Variants in CDK6 observed in about 807,000 individuals in gnomAD.
CDK6 encodes the protein cyclin-dependent kinase 6.
In CDK6, 6 loss-of-function variants were observed where a neutral mutation model predicts 37.1. The observed-to-expected ratio is 0.16, with a 90% confidence interval of 0.09 to 0.32. The LOEUF is 0.32. Ranked by LOEUF, CDK6 falls within the 10% of genes least tolerant of loss-of-function variation. CDK6 has a pLI of 1.00. For missense variants in CDK6, 224 were observed against 418.9 expected (o/e 0.53, Z 4.06); for synonymous variants, 160 against 161.3 (o/e 0.99, Z 0.06).
At chr7:92,767,723 A>C (rs186272042) in intron 3 of CDK6, among the ~76,000 whole-genome samples, 608 of 151,992 alleles carry the variant, frequency 4.0e-3, no homozygotes, top group African/African-American at 7.0e-3. Context: ...TTAAAAAAAA[A>C]CCCCAAATTT....
chr7:92,805,115 A>G (rs554409726), intron 2 of CDK6, among the ~76,000 whole-genome samples: 8 of 152,316 alleles, frequency 5.3e-5, no homozygotes, highest in Admixed American at 2.6e-4. Flanking sequence ...CGATGAAGGA[A>G]AATTGGCCAC....
At chr7:92,761,860 T>C (rs1799464028) in intron 3 of CDK6, among the ~76,000 whole-genome samples, 1 of 152,236 alleles carries the variant, frequency 6.6e-6, no homozygotes, top group South Asian at 2.1e-4. Context: ...CTCTTTTTCT[T>C]AATTCACTCT....
intron 4 of CDK6, among the ~76,000 whole-genome samples, chr7:92,720,630 C>A (rs905937671): frequency 6.6e-6 from 1 of 152,194 alleles, no homozygotes; most frequent in African/African-American, 2.4e-5. Flanking sequence ...TGCTTCATGA[C>A]TGTCAGAGCC....
chr7:92,764,667 A>G (rs1472803749), intron 3 of CDK6, among the ~76,000 whole-genome samples: 2 of 152,220 alleles, frequency 1.3e-5, no homozygotes. Context: ...ATTATTCTAC[A>G]TACTGAAGAC....
intron 3 of CDK6, among the ~76,000 whole-genome samples, chr7:92,768,591 TATG>T (rs1259948022): frequency 2.6e-5 from 4 of 152,362 alleles, no homozygotes; most frequent in Non-Finnish European, 4.4e-5. Context: ...TTAGTGCAGC[TATG>T]ATATTAGATT....
At chr7:92,736,211 T>C (rs1295403937) in intron 3 of CDK6, among the ~76,000 whole-genome samples, 3 of 152,088 alleles carry the variant, frequency 2.0e-5, no homozygotes, top group Non-Finnish European at 2.9e-5. Context: ...ATGTGTATTA[T>C]GGTTATATAT....
intron 5 of CDK6, among the ~76,000 whole-genome samples, chr7:92,657,531 G>A (rs962574543): frequency 3.9e-5 from 6 of 152,126 alleles, no homozygotes; most frequent in Non-Finnish European, 8.8e-5. Context: ...AAACTGGTCT[G>A]AAAAACTGCT....
At chr7:92,631,209 A>T (rs373551502) in intron 5 of CDK6, among the ~76,000 whole-genome samples, 6 of 152,126 alleles carry the variant, frequency 3.9e-5, no homozygotes, top group Non-Finnish European at 8.8e-5. Context: ...GTAACCAACG[A>T]GCCCAGTTTG....
chr7:92,821,626 TTTC>T (rs764031214), intron 2 of CDK6, among the ~76,000 whole-genome samples: 39 of 152,050 alleles, frequency 2.6e-4, no homozygotes, highest in Non-Finnish European at 3.7e-4. Flanking sequence ...CACAATTTTT[TTTC>T]TTTTCTATTC....
intron 4 of CDK6, among the ~76,000 whole-genome samples, chr7:92,712,145 G>C (rs925490486): frequency 6.7e-6 from 1 of 149,510 alleles, no homozygotes; most frequent in Admixed American, 6.6e-5. Context: ...GGGTGAAAGA[G>C]CAAGACTCCG....
intron 2 of CDK6, among the ~76,000 whole-genome samples, chr7:92,780,909 A>T (rs539730837): frequency 3.7e-4 from 57 of 152,248 alleles, no homozygotes; most frequent in African/African-American, 1.3e-3. Flanking sequence ...TTTTTTTAAA[A>T]ATTTTTGCTA....
intron 3 of CDK6, among the ~76,000 whole-genome samples, chr7:92,763,250 A>G (rs1799502054): frequency 6.6e-6 from 1 of 152,256 alleles, no homozygotes; most frequent in Non-Finnish European, 1.5e-5. Flanking sequence ...TACTAGGTTT[A>G]GCCACATTGG....
At chr7:92,741,152 A>G (rs1325992741) in intron 3 of CDK6, among the ~76,000 whole-genome samples, 1 of 152,238 alleles carries the variant, frequency 6.6e-6, no homozygotes, top group Non-Finnish European at 1.5e-5. Flanking sequence ...AGCAGCAATT[A>G]GAAAGAACAT....
intron 5 of CDK6, among the ~76,000 whole-genome samples, chr7:92,627,181 T>C (rs763794836): frequency 6.6e-6 from 1 of 152,130 alleles, no homozygotes; most frequent in Non-Finnish European, 1.5e-5. Context: ...GAAACCATTA[T>C]GCTCAGTAAA....
intron 3 of CDK6, among the ~76,000 whole-genome samples, chr7:92,745,500 T>A (rs1340298356): frequency 6.6e-6 from 1 of 152,206 alleles, no homozygotes; most frequent in Non-Finnish European, 1.5e-5. Context: ...GGATCAGGAC[T>A]GATGCCTGCG....
At chr7:92,672,198 C>CACAG (rs1554401719) in intron 4 of CDK6, among the ~76,000 whole-genome samples, 2 of 118,306 alleles carry the variant, frequency 1.7e-5, no homozygotes, top group Non-Finnish European at 3.4e-5. Context: ...CATACACACA[C>CACAG]ACACACACAC....
rs554760052 is a variant in CDK6, at chr7:92,607,185, C to T, written c.*7955G>A. On this transcript the variant is annotated 3_prime_UTR_variant, in exon 8 of 8. Transcript: ENST00000424848. ...TCACACTGCTCTCCTCTCAACAGTA[C>T]TGCCTGTTCCCACTACTCCACATGA... 1 of 233,622 alleles carries T rather than the reference C, an allele frequency of 4.3e-6. No homozygotes were observed. The highest frequency in any genetic ancestry group is 5.6e-5 in the Admixed American group (1 of 17,802). The allele number at this position is 233,622 out of a possible 1,614,324, so 14.5% of individuals were successfully genotyped here.
chr7:92,727,370 T>C (rs531920339), intron 3 of CDK6, among the ~76,000 whole-genome samples: 1 of 152,340 alleles, frequency 6.6e-6, no homozygotes, highest in South Asian at 2.1e-4. Context: ...GTTCTTCCTT[T>C]AGAGTTCGGA....
chr7:92,761,398 C>G (rs1236365029), intron 3 of CDK6, among the ~76,000 whole-genome samples: 1 of 152,128 alleles, frequency 6.6e-6, no homozygotes, highest in Non-Finnish European at 1.5e-5. Flanking sequence ...TCTTCAGCCT[C>G]CTAACCAGCA....
Sources: gnomAD v4.1 joint callset for allele counts (sites outside exome capture counted in the v4.1 genomes callset) on GRCh38, gnomAD v4.1.1 for gene constraint, MANE v1.5 for transcripts, NCBI Gene and HGNC (gene_info 2026-07-23, HGNC 2026-07-21) for gene names.